Variants in CLMP observed in about 807,000 individuals in gnomAD.
CLMP encodes CXADR like cell adhesion molecule.
In CLMP, 27 loss-of-function variants were observed where a neutral mutation model predicts 45.2. The ratio of observed to expected loss-of-function variants is 0.60; its 90% confidence interval spans 0.44 to 0.82. The LOEUF is 0.82. CLMP is among the 40% of genes least tolerant of loss of function. CLMP has a pLI of 0.00. For synonymous variants in CLMP, 167 were observed against 171.4 expected (o/e 0.97, Z 0.20); for missense variants, 403 against 448.4 (o/e 0.90, Z 0.91).
intron 1 of CLMP, among the ~76,000 whole-genome samples, chr11:123,104,459 G>A (rs12286213): frequency 0.1 from 15,515 of 151,080 alleles, 874 homozygotes; most frequent in East Asian, 0.16. Context: ...ATCTCAGCTC[G>A]CTGTAACCTC....
intron 1 of CLMP, among the ~76,000 whole-genome samples, chr11:123,146,677 T>C (rs1159914475): frequency 2.0e-5 from 3 of 152,160 alleles, no homozygotes; most frequent in Non-Finnish European, 2.9e-5. Flanking sequence ...GTTGTGAACA[T>C]TGGTTCTGAC....
intron 1 of CLMP, among the ~76,000 whole-genome samples, chr11:123,141,441 C>T (rs554498839): frequency 4.6e-4 from 70 of 152,236 alleles, no homozygotes; most frequent in Admixed American, 1.2e-3. Context: ...GCCTTGGCCT[C>T]CCAAAGTGCT....
intron 1 of CLMP, among the ~76,000 whole-genome samples, chr11:123,162,669 G>T (rs1035814534): frequency 6.6e-6 from 1 of 152,004 alleles, no homozygotes. Flanking sequence ...GTCAAGGTGG[G>T]CGGATCGCTT....
Position 123,073,744 on chromosome 11 carries a change from A to G in CLMP, c.852T>C (p.Leu284=). The change falls in exon 7 of 7, where the codon CTT becomes CTC. Residue 284 remains leucine, a synonymous_variant. Coordinates refer to ENST00000448775, the MANE Select transcript of CLMP (RefSeq NM_024769.5). Reference sequence around the variant, plus strand: ...CTGAGGAAGAGGAGCTGGGTTTCACAAGACGGGCTTTTGGAGCTTCAGCAT... The same window carrying G: ...CTGAGGAAGAGGAGCTGGGTTTCACGAGACGGGCTTTTGGAGCTTCAGCAT... The part of the protein sequence containing the change: ...REDAEAPKAR[L]VKPSSSSSGS... 6 of 1,606,104 alleles carry G rather than the reference A, an allele frequency of 3.7e-6. No individual in the cohort carries two copies. The highest frequency in any genetic ancestry group is 5.1e-6 in the Non-Finnish European group (6 of 1,176,236).
chr11:123,171,975 C>T (rs1275235156), intron 1 of CLMP, among the ~76,000 whole-genome samples: 3 of 152,062 alleles, frequency 2.0e-5, no homozygotes, highest in African/African-American at 7.2e-5. Context: ...AGCATTTATA[C>T]ATATTCACTG....
chr11:123,091,033 T>C (rs1016131921), intron 2 of CLMP, among the ~76,000 whole-genome samples: 1 of 152,182 alleles, frequency 6.6e-6, no homozygotes, highest in Non-Finnish European at 1.5e-5. Context: ...CCCAGTATCT[T>C]CAAGGCCTAT....
chr11:123,171,759 G>A (rs1030544314), intron 1 of CLMP, among the ~76,000 whole-genome samples: 2 of 151,870 alleles, frequency 1.3e-5, no homozygotes, highest in Admixed American at 6.6e-5. Context: ...GAAGACTGTC[G>A]TACTAATTCA....
At chr11:123,109,836 A>T (rs908686043) in intron 1 of CLMP, among the ~76,000 whole-genome samples, 8 of 152,184 alleles carry the variant, frequency 5.3e-5, no homozygotes, top group African/African-American at 1.9e-4. Flanking sequence ...TAGCCAACCT[A>T]GCATATCCAG....
At chr11:123,099,589 G>A (rs965378800) in intron 1 of CLMP, among the ~76,000 whole-genome samples, 6 of 152,108 alleles carry the variant, frequency 3.9e-5, no homozygotes, top group Non-Finnish European at 7.4e-5. Flanking sequence ...CATTTGATAT[G>A]GAGCTTGGAA....
At chr11:123,126,311 T>A (rs1860894714) in intron 1 of CLMP, among the ~76,000 whole-genome samples, 2 of 152,234 alleles carry the variant, frequency 1.3e-5, no homozygotes, top group South Asian at 4.1e-4. Context: ...CCTCAATGGA[T>A]GTAAGCCGAA....
At position 123,083,101 on chromosome 11, in the gene CLMP, C is replaced by A. The variant is rs145742800; in HGVS notation, c.663G>T (p.Val221=). The change falls in exon 5 of 7, where the codon GTG becomes GTT. Residue 221 remains valine, a synonymous_variant. Coordinates refer to ENST00000448775, the MANE Select transcript of CLMP (RefSeq NM_024769.5). ...GATGCTTACACTGTACAGTTACTCG[C>A]ACCACACAGCTTTCCTTCCCAGCTT... is the stretch of plus-strand genomic sequence containing the variant. ...GNEAGKESCV[V]RVTVQYVQSI... is the part of the protein sequence containing the mutation. The A allele has an allele frequency of 1.2e-6, 2 of 1,614,064 alleles. No individual in the cohort carries two copies. Among genetic ancestry groups the A allele is most frequent in the African/African-American group, 2.7e-5 (2 of 74,934 alleles).
intron 5 of CLMP, among the ~76,000 whole-genome samples, chr11:123,077,243 C>T (rs192410567): frequency 3.5e-4 from 53 of 152,084 alleles, no homozygotes; most frequent in African/African-American, 1.3e-3. Context: ...AGGTGATCTA[C>T]CCCCCGCCTT....
At chr11:123,078,311 G>A (rs909380233) in intron 5 of CLMP, among the ~76,000 whole-genome samples, 3 of 152,140 alleles carry the variant, frequency 2.0e-5, no homozygotes, top group African/African-American at 7.2e-5. Context: ...CAACAACAAT[G>A]ATGAGTCTCA....
chr11:123,108,511 G>C (rs1860591251), intron 1 of CLMP, among the ~76,000 whole-genome samples: 2 of 151,936 alleles, frequency 1.3e-5, no homozygotes, highest in South Asian at 4.2e-4. Context: ...GCTTCAGTCA[G>C]GGGGGCCGGA....
rs189265199 is a variant in CLMP at position 123,116,468 on chromosome 11, T to G, written c.29-18516A>C. 1.8e-3 allele frequency among the ~76,000 whole-genome samples: 277 copies of G among 152,034 alleles called. 1 individual carries two copies. The highest frequency in any genetic ancestry group is 6.1e-3 in the African/African-American group (253 of 41,480). On this transcript the variant is annotated intron_variant, in intron 1 of 6. Coordinates refer to ENST00000448775, the MANE Select transcript of CLMP (RefSeq NM_024769.5). ...CTGTAATCCCAGCTACTCAGGAGAC[T>G]GAGGCAGGAGAATCGCTTGAACCCA...
chr11:123,114,261 A>G (rs1244592243), intron 1 of CLMP, among the ~76,000 whole-genome samples: 1 of 152,208 alleles, frequency 6.6e-6, no homozygotes, highest in East Asian at 1.9e-4. Flanking sequence ...CAAATCCTCA[A>G]TTCAGCCTTT....
intron 2 of CLMP, among the ~76,000 whole-genome samples, chr11:123,087,047 TAGAC>T (rs1314563350): frequency 4.6e-5 from 7 of 151,494 alleles, no homozygotes; most frequent in Admixed American, 2.0e-4. Context: ...ATACAAAAAT[TAGAC>T]AGGTGGCCTG....
In CLMP at chr11:123,106,700, A is replaced by G. The variant is rs115950457; in HGVS notation, c.29-8748T>C. On this transcript the variant is annotated intron_variant, in intron 1 of 6. Coordinates refer to ENST00000448775, the MANE Select transcript of CLMP (RefSeq NM_024769.5). Reference sequence around the variant, plus strand: ...CACTGGCGCATGGTATGTAGCACACACTCAGCAAATGGCAACTACTATTAA... The same window carrying G: ...CACTGGCGCATGGTATGTAGCACACGCTCAGCAAATGGCAACTACTATTAA... 4.9e-3 allele frequency among the ~76,000 whole-genome samples: 751 copies of G among 152,228 alleles called. 9 individuals are homozygous for G. Among genetic ancestry groups the G allele is most frequent in the African/African-American group, 0.018 (728 of 41,540 alleles).
In CLMP at chr11:123,073,163, A is replaced by C; in HGVS notation, c.*311T>G. 1 of 244,470 alleles carries C rather than the reference A, an allele frequency of 4.1e-6. No individual in the cohort carries two copies. Among genetic ancestry groups the C allele is most frequent in the Non-Finnish European group, 7.8e-6 (1 of 127,900 alleles). The allele number at this position is 244,470 out of a possible 1,614,324, so 15.1% of individuals were successfully genotyped here. ...ATATCCCACATTAAAAGTTTTAGGTATATTCACCTCACCTTTCCCCAACCT... is the reference window on the plus strand; with the variant it reads ...ATATCCCACATTAAAAGTTTTAGGTCTATTCACCTCACCTTTCCCCAACCT... On this transcript the variant is annotated 3_prime_UTR_variant, in exon 7 of 7. Transcript: ENST00000448775.
Sources: gnomAD v4.1 joint callset for allele counts (sites outside exome capture counted in the v4.1 genomes callset) on GRCh38, gnomAD v4.1.1 for gene constraint, MANE v1.5 for transcripts, NCBI Gene and HGNC (gene_info 2026-07-23, HGNC 2026-07-21) for gene names.